The following CPD variants were observed in gnomAD, a reference collection of about 807,000 sequenced individuals.
The protein encoded by CPD is metallocarboxypeptidase D.
A neutral mutation model predicts 138.3 loss-of-function variants in CPD; 69 were observed. The observed-to-expected ratio is 0.50, with a 90% CI of 0.41 to 0.61. The LOEUF is 0.61. CPD is among the 20% of genes least tolerant of loss of function. The pLI is 0.00. For missense variants in CPD, 1,432 were observed against 1,733.3 expected (o/e 0.83, Z 3.09); for synonymous variants, 651 against 642.1 (o/e 1.01, Z -0.21).
chr17:30,460,472 G>T (rs1913440864), intron 17 of CPD, among the ~76,000 whole-genome samples: 2 of 152,130 alleles, frequency 1.3e-5, no homozygotes, highest in Non-Finnish European at 1.5e-5. Context: ...GAGGGCCTAG[G>T]TTATGCTAGT....
At chr17:30,410,097 C>T (rs1319375540) in intron 2 of CPD, among the ~76,000 whole-genome samples, 1 of 152,070 alleles carries the variant, frequency 6.6e-6, no homozygotes, top group Non-Finnish European at 1.5e-5. Context: ...TTTATTTCTG[C>T]CTTCATTTCG....
rs904807336 is a variant in CPD, at chr17:30,465,954, C to T, written c.*1140C>T. 2.6e-5 allele frequency: 4 copies of T among 152,308 alleles called. No homozygotes were observed. The highest frequency in any genetic ancestry group is 2.1e-4 in the South Asian group (1 of 4,822). 9.4% of individuals were successfully genotyped at this position (152,308 alleles called of 1,614,324 possible). On this transcript the variant is annotated 3_prime_UTR_variant, in exon 21 of 21. Transcript: ENST00000225719. ...GCCCTAATGTTTCATTTGACGGTCTCTTTTTGATCAACCAATTTTTCTAAA... is the reference window on the plus strand; with the variant it reads ...GCCCTAATGTTTCATTTGACGGTCTTTTTTTGATCAACCAATTTTTCTAAA...
intron 20 of CPD, 24 bp downstream of exon 20, chr17:30,462,493 A>T: frequency 1.9e-6 from 3 of 1,559,994 alleles, no homozygotes; most frequent in Non-Finnish European, 1.8e-6. Context: ...GATTTTTAGT[A>T]GTAAAAGTTA....
At position 30,437,333 on chromosome 17, in the gene CPD, C is replaced by G. The variant is rs531947394; in HGVS notation, c.2128-1642C>G. Among the ~76,000 whole-genome samples the G allele has an allele frequency of 1.0e-3, 153 of 152,042 alleles. No homozygotes were observed. In the Middle Eastern group the frequency reaches 0.02, roughly 20 times the overall value. ...GTGGATTTTGAAAACCTAAAGAAGA[C>G]TGAGGGGTGGAGGATCCATTCTGTA... On this transcript the variant is annotated intron_variant, in intron 8 of 20. Coordinates refer to ENST00000225719, the MANE Select transcript of CPD (RefSeq NM_001304.5).
intron 5 of CPD, 66 bp from the exon 6 acceptor site, chr17:30,423,440 A>G (rs1456348021): frequency 1.6e-6 from 2 of 1,245,706 alleles, no homozygotes; most frequent in Non-Finnish European, 1.1e-6. Context: ...TATGTTGCGG[A>G]AAAAAACTGA....
chr17:30,383,570 T>G (rs1028606953), intron 1 of CPD, among the ~76,000 whole-genome samples: 14 of 152,196 alleles, frequency 9.2e-5, no homozygotes, highest in Admixed American at 2.6e-4. Context: ...CTAGTTTCTT[T>G]TCATGGTCTA....
intron 6 of CPD, among the ~76,000 whole-genome samples, chr17:30,426,480 A>G (rs951515103): frequency 2.0e-5 from 3 of 152,220 alleles, no homozygotes; most frequent in Non-Finnish European, 4.4e-5. Flanking sequence ...GTGCTGAGTC[A>G]GCTTCTAGTT....
At position 30,379,745 on chromosome 17, in the gene CPD, CT is replaced by C; in HGVS notation, c.746+20del. 7.0e-7 allele frequency: 1 copy of C among 1,426,482 alleles called. No individual in the cohort carries two copies. The highest frequency in any genetic ancestry group is 9.1e-7 in the Non-Finnish European group (1 of 1,096,158). 88.4% of individuals were successfully genotyped at this position (1,426,482 alleles called of 1,614,324 possible). A position where few individuals can be genotyped will look rare whatever the true frequency, so the allele number is the denominator to read the frequency against. On this transcript the variant is annotated intron_variant, in intron 1 of 20. Transcript: ENST00000225719. The surrounding 1 kb of genome is among the most constrained non-coding windows in gnomAD (Gnocchi z 7.0). ...GGAACAAGTGAGTGTTGCCTGCCCC[CT>C]CCCCGTCCGTGTGAGCCTCCAAGGG...
At chr17:30,390,127 G>A (rs1338260663) in intron 2 of CPD, among the ~76,000 whole-genome samples, 1 of 151,380 alleles carries the variant, frequency 6.6e-6, no homozygotes, top group African/African-American at 2.4e-5. Flanking sequence ...GATGATTCCC[G>A]TGCCTCAGCC....
intron 2 of CPD, among the ~76,000 whole-genome samples, chr17:30,407,000 T>C (rs1243184562): frequency 6.6e-6 from 1 of 152,150 alleles, no homozygotes; most frequent in Non-Finnish European, 1.5e-5. Context: ...GTGTATGATG[T>C]TCCCTGCCCT....
intron 2 of CPD, among the ~76,000 whole-genome samples, chr17:30,395,655 A>G (rs1025254738): frequency 6.6e-6 from 1 of 151,852 alleles, no homozygotes; most frequent in African/African-American, 2.4e-5. Context: ...ATGTGTATAA[A>G]TTGGATGTAC....
chr17:30,462,387 T>C lies in CPD; in HGVS notation c.3834T>C (p.Asp1278=), dbSNP rs1297472723. The part of the protein sequence containing the change: ...QQHSQVFVHH[D]AASSVVIVFD... ...CCTTCTAGGTCTTTGTGCATCATGA[T>C]GCAGCTAGTTCTGTGGTGATAGTCT... Residue 1278 remains aspartate, a synonymous_variant, in exon 20 of 21, where the codon GAT becomes GAC. Coordinates refer to ENST00000225719, the MANE Select transcript of CPD (RefSeq NM_001304.5). 4.3e-6 allele frequency: 7 copies of C among 1,613,838 alleles called. No homozygotes were observed. The highest frequency in any genetic ancestry group is 2.2e-5 in the East Asian group (1 of 44,860).
chr17:30,401,362 C>T (rs1010818317), intron 2 of CPD, among the ~76,000 whole-genome samples: 4 of 151,584 alleles, frequency 2.6e-5, no homozygotes, highest in Non-Finnish European at 5.9e-5. Context: ...TCCTCTTCTT[C>T]CTCCTCTTCC....
At chr17:30,454,530 C>T (rs933150880) in intron 14 of CPD, 1 of 152,380 alleles carries the variant, frequency 6.6e-6, no homozygotes, top group African/African-American at 2.4e-5. Flanking sequence ...AAGTTCTATG[C>T]TTTCCCACAT....
chr17:30,390,198 G>C lies in CPD; in HGVS notation c.994+4962G>C, dbSNP rs370879272. Among the ~76,000 whole-genome samples, 17 of 152,154 alleles carry C rather than the reference G, an allele frequency of 1.1e-4. No individual in the cohort carries two copies. In the South Asian group the frequency reaches 3.5e-3, roughly 32 times the overall value. On this transcript the variant is annotated intron_variant, in intron 2 of 20. Transcript: ENST00000225719. ...TGCTGGCTAATTTTTTGTATTTTAA[G>C]TAGAGACAGGGTTTTACCATGTTGA...
At position 30,447,049 on chromosome 17, in the gene CPD, A is replaced by G. The variant is rs566279166; in HGVS notation, c.2873+1029A>G. 2.9e-3 allele frequency among the ~76,000 whole-genome samples: 438 copies of G among 152,176 alleles called. 1 individual carries two copies. The highest frequency in any genetic ancestry group is 0.017 in the Middle Eastern group (5 of 294). The stretch of plus-strand genomic sequence containing the variant: ...TTGTATTTTTCTTGTAAATTTGTTT[A>G]AGTTCTTTGTAGATTCTGGATATTA... On this transcript the variant is annotated intron_variant, in intron 12 of 20. Transcript: ENST00000225719.
chr17:30,445,567 G>A, intron 11 of CPD, 124 bp from the exon 12 acceptor site: 1 of 577,430 alleles, frequency 1.7e-6, no homozygotes, highest in Non-Finnish European at 3.0e-6. Flanking sequence ...TTAAAATTTT[G>A]TCTCTTTAGG....
chr17:30,403,591 A>G (rs1911731586), intron 2 of CPD, among the ~76,000 whole-genome samples: 1 of 152,048 alleles, frequency 6.6e-6, no homozygotes, highest in Non-Finnish European at 1.5e-5. Flanking sequence ...ATTAGATACC[A>G]CTCGTCTTCC....
chr17:30,398,735 A>G (rs1911575342), intron 2 of CPD, among the ~76,000 whole-genome samples: 2 of 152,244 alleles, frequency 1.3e-5, no homozygotes, highest in South Asian at 4.1e-4. Context: ...AATAATGCCT[A>G]TCTGTGACAT....
Sources: allele counts gnomAD v4.1 joint callset (sites outside exome capture counted in the v4.1 genomes callset), GRCh38; gene constraint gnomAD v4.1.1; non-coding constraint Gnocchi (gnomAD v3.1); transcripts MANE v1.5; gene names NCBI Gene and HGNC (gene_info 2026-07-23, HGNC 2026-07-21).